Variants in ESM1 observed in about 807,000 individuals in gnomAD.
ESM1 encodes endothelial cell-specific molecule 1.
A neutral mutation model predicts 14.9 loss-of-function variants in ESM1; 7 were observed. The observed-to-expected ratio is 0.47, with a 90% CI of 0.27 to 0.88. The LOEUF is 0.88. ESM1 is among the 40% of genes least tolerant of loss of function. The pLI is 0.14. For missense variants in ESM1, 192 were observed against 237.9 expected, an observed-to-expected ratio of 0.81 and a Z score of 1.27; for synonymous variants, 89 against 89.4, an observed-to-expected ratio of 1.00 and a Z score of 0.02.
intron 1 of ESM1, among the ~76,000 whole-genome samples, chr5:54,984,766 C>T (rs1210299237): frequency 6.6e-6 from 1 of 152,078 alleles, no homozygotes; most frequent in Non-Finnish European, 1.5e-5. Flanking sequence ...TGAGAGTGGC[C>T]CTCCATCCTG....
At chr5:54,979,557 T>C (rs942236318) in intron 2 of ESM1, 122 bp from the exon 3 acceptor site, 11 of 687,734 alleles carry the variant, frequency 1.6e-5, no homozygotes, top group Admixed American at 1.4e-4. Flanking sequence ...TAAGATTCCA[T>C]GCTAACTGTA....
At chr5:54,981,013 T>A (rs1217190626) in intron 2 of ESM1, among the ~76,000 whole-genome samples, 3 of 152,204 alleles carry the variant, frequency 2.0e-5, no homozygotes, top group South Asian at 4.1e-4. Context: ...TTATTTTTTA[T>A]AATTTTAAAT....
Position 54,979,278 on chromosome 5 carries a change from T to C in ESM1, c.*54A>G. On this transcript the variant is annotated 3_prime_UTR_variant, in exon 3 of 3. Transcript: ENST00000381405. ...TCTAGAAAGTTCCTAAAATGTTGGCTGTGTGTTGAACAATCACGAAAATAG... is the reference window on the plus strand; with the variant it reads ...TCTAGAAAGTTCCTAAAATGTTGGCCGTGTGTTGAACAATCACGAAAATAG... 7.8e-7 allele frequency: 1 copy of C among 1,280,318 alleles called. No individual in the cohort carries two copies. The allele number at this position is 1,280,318 out of a possible 1,614,324, so 79.3% of individuals were successfully genotyped here. A position where few individuals can be genotyped will look rare whatever the true frequency, so the allele number is the denominator to read the frequency against.
At chr5:54,979,584 A>T (rs1052895633) in intron 2 of ESM1, 149 bp from the exon 3 acceptor site, 4 of 619,502 alleles carry the variant, frequency 6.5e-6, no homozygotes, top group South Asian at 1.9e-5. Context: ...GCTCTATATC[A>T]GTGAGCACCT....
intron 1 of ESM1, among the ~76,000 whole-genome samples, chr5:54,984,407 T>C (rs1315330854): frequency 6.6e-6 from 1 of 152,152 alleles, no homozygotes; most frequent in African/African-American, 2.4e-5. Context: ...ATTCTAAACA[T>C]TTTTAAAATG....
intron 2 of ESM1, among the ~76,000 whole-genome samples, chr5:54,980,099 G>T (rs1744021996): frequency 6.6e-6 from 1 of 152,172 alleles, no homozygotes. Context: ...ACGAATGTGT[G>T]TAAGTCCATG....
intron 1 of ESM1, among the ~76,000 whole-genome samples, chr5:54,982,821 G>A (rs1740414063): frequency 6.6e-6 from 1 of 152,150 alleles, no homozygotes; most frequent in African/African-American, 2.4e-5. Context: ...AAAGCTCAGG[G>A]CTTATACACC....
At chr5:54,984,711 T>A (rs1740497537) in intron 1 of ESM1, among the ~76,000 whole-genome samples, 1 of 152,238 alleles carries the variant, frequency 6.6e-6, no homozygotes, top group Non-Finnish European at 1.5e-5. Flanking sequence ...TTAAGCTCAC[T>A]CTATTCCATA....
Position 54,985,432 on chromosome 5 carries a change from G to A in ESM1, c.86C>T (p.Pro29Leu). The change falls in exon 1 of 3, where the codon CCT becomes CTT. Residue 29 changes from proline to leucine, a missense_variant. Transcript: ENST00000381405. ...GCACTCACTGCTGTCACAGTGTTGA[G>A]GGCAGTCCACCGCATAATTATTGCT... Reference protein sequence around the residue: ...AWSNNYAVDCPQHCDSSECKS... With the variant: ...AWSNNYAVDCLQHCDSSECKS... 6.2e-7 allele frequency: 1 copy of A among 1,614,012 alleles called. No individual in the cohort carries two copies. The highest frequency in any genetic ancestry group is 8.5e-7 in the Non-Finnish European group (1 of 1,179,920).
rs1435470221 is a variant in ESM1 at position 54,979,185 on chromosome 5, CT to C, written c.*146del. ...GATGTTATGGATTGTAAGTATCCTA[CT>C]TTTTGTTTTCTGGATCCACCATGCA... On this transcript the variant is annotated 3_prime_UTR_variant, in exon 3 of 3. Transcript: ENST00000381405. 9 of 639,306 alleles carry C rather than the reference CT, an allele frequency of 1.4e-5. No individual in the cohort carries two copies. Among genetic ancestry groups the C allele is most frequent in the Non-Finnish European group, 2.5e-5 (9 of 353,954 alleles). 39.6% of individuals were successfully genotyped at this position (639,306 alleles called of 1,614,324 possible). A position where few individuals can be genotyped will look rare whatever the true frequency, so the allele number is the denominator to read the frequency against.
Position 54,985,219 on chromosome 5 carries a change from T to G in ESM1, c.299A>C (p.Lys100Thr), listed in dbSNP as rs140828746. The change falls in exon 1 of 3, where the codon AAA (lysine) becomes ACA (threonine). Residue 100 changes from lysine to threonine, a missense_variant and splice_region_variant. Physicochemically the swap from Lys to Thr is moderately conservative, Grantham distance 78 (BLOSUM62 -1). Transcript: ENST00000381405. ...DPFGEEFGIC[K>T]DCPYGTFGMD... ...AGAGGTAAGGGGTCACTCTTTACCTTTGCAGATACCAAACTCTTCACCAAA... is the reference window on the plus strand; with the variant it reads ...AGAGGTAAGGGGTCACTCTTTACCTGTGCAGATACCAAACTCTTCACCAAA... 6.2e-7 allele frequency: 1 copy of G among 1,608,418 alleles called. No individual in the cohort carries two copies. The highest frequency in any genetic ancestry group is 8.5e-7 in the Non-Finnish European group (1 of 1,176,200).
rs553557050 is a variant in ESM1 at position 54,984,741 on chromosome 5, A to T, written c.301+476T>A. The stretch of plus-strand genomic sequence containing the variant: ...TCCATAAAGTGCATTTGTGTTTATC[A>T]GAAATATTTGATCTTGAGAGTGGCC... On this transcript the variant is annotated intron_variant, in intron 1 of 2. Transcript: ENST00000381405. Among the ~76,000 whole-genome samples the T allele has an allele frequency of 2.9e-4, 44 of 152,324 alleles. No individual in the cohort carries two copies. In the South Asian group the frequency reaches 5.6e-3, roughly 19 times the overall value.
At chr5:54,981,914 T>A in intron 2 of ESM1, 83 bp downstream of exon 2, 1 of 1,355,694 alleles carries the variant, frequency 7.4e-7, no homozygotes, top group East Asian at 2.3e-5. Context: ...ATCCACATCT[T>A]ATTCTACTCA....
chr5:54,985,088 T>C, intron 1 of ESM1, 129 bp downstream of exon 1: 1 of 778,466 alleles, frequency 1.3e-6, no homozygotes, highest in East Asian at 2.5e-5. Flanking sequence ...AATACCTGTG[T>C]GGTGCCTTGT....
chr5:54,983,714 T>C (rs1162440691), intron 1 of ESM1, among the ~76,000 whole-genome samples: 1 of 152,228 alleles, frequency 6.6e-6, no homozygotes, highest in African/African-American at 2.4e-5. Flanking sequence ...AGTATCTTGA[T>C]CATTCAGTAG....
At chr5:54,984,251 C>G (rs1312759830) in intron 1 of ESM1, among the ~76,000 whole-genome samples, 1 of 151,948 alleles carries the variant, frequency 6.6e-6, no homozygotes, top group African/African-American at 2.4e-5. Flanking sequence ...AGAAATTTCT[C>G]AGTCCTTTTT....
At chr5:54,985,172 T>G in intron 1 of ESM1, 45 bp downstream of exon 1, 1 of 1,532,504 alleles carries the variant, frequency 6.5e-7, no homozygotes, top group Non-Finnish European at 8.8e-7. Flanking sequence ...GGCTAAAAGC[T>G]CTCAGCATGC....
rs368314976 is a variant in ESM1, at chr5:54,979,391, C to G, written c.496G>C (p.Val166Leu). 1.2e-6 allele frequency: 2 copies of G among 1,613,628 alleles called. No homozygotes were observed. The highest frequency in any genetic ancestry group is 2.7e-5 in the African/African-American group (2 of 75,040). The stretch of plus-strand genomic sequence containing the variant: ...GACCCGGCAGCATTCTCTTTCACAA[C>G]TTCTTCTCTCACAATATTGCCATCT... ...SGDGNIVREE[V>L]VKENAAGSPV... The change falls in exon 3 of 3, where the codon GTT becomes CTT. Residue 166 changes from valine (V) to leucine (L), a missense_variant. By Grantham distance (32) the Val-to-Leu change is conservative. Coordinates refer to ENST00000381405, the MANE Select transcript of ESM1 (RefSeq NM_007036.5).
chr5:54,985,398 G>C lies in ESM1; in HGVS notation c.120C>G (p.Ser40Arg). The change falls in exon 1 of 3, where the codon AGC becomes AGG. Residue 40 changes from serine (S) to arginine (R), a missense_variant. Coordinates refer to ENST00000381405, the MANE Select transcript of ESM1 (RefSeq NM_007036.5). ...CGAGCACTGTCCTCTTGCAGCGCGGGCTGCTTTTGCACTCACTGCTGTCAC... is the reference window on the plus strand; with the variant it reads ...CGAGCACTGTCCTCTTGCAGCGCGGCCTGCTTTTGCACTCACTGCTGTCAC... ...QHCDSSECKS[S>R]PRCKRTVLDD... 1 of 1,614,216 alleles carries C rather than the reference G, an allele frequency of 6.2e-7. No individual in the cohort carries two copies. Among genetic ancestry groups the C allele is most frequent in the Non-Finnish European group, 8.5e-7 (1 of 1,180,042 alleles).
Sources: allele counts gnomAD v4.1 joint callset (sites outside exome capture counted in the v4.1 genomes callset), GRCh38; gene constraint gnomAD v4.1.1; transcripts MANE v1.5; gene names NCBI Gene and HGNC (gene_info 2026-07-23, HGNC 2026-07-21).